The following CFAP299 variants were observed in gnomAD, a reference collection of about 807,000 sequenced individuals.
CFAP299 encodes cilia and flagella associated protein 299.
In CFAP299, 21 loss-of-function variants were observed where a neutral mutation model predicts 27.0. The observed-to-expected ratio is 0.78, with a 90% confidence interval of 0.55 to 1.12. The LOEUF (loss-of-function observed/expected upper bound fraction) is 1.12, where lower values mean the gene tolerates loss of function less well. Ranked by LOEUF, CFAP299 falls within the 50% of genes most tolerant of loss-of-function variation. The pLI is 0.00. For missense variants in CFAP299, 310 were observed against 276.6 expected, an observed-to-expected ratio of 1.12 and a Z score of -0.86; for synonymous variants, 104 against 98.1, an observed-to-expected ratio of 1.06 and a Z score of -0.36.
chr4:80,504,971 T>A (rs1054534521), intron 2 of CFAP299, among the ~76,000 whole-genome samples: 1 of 148,622 alleles, frequency 6.7e-6, no homozygotes, highest in Admixed American at 6.8e-5. Flanking sequence ...ATCCCCCATT[T>A]TATATATATC....
intron 3 of CFAP299, among the ~76,000 whole-genome samples, chr4:80,612,156 G>A (rs148853985): frequency 1.2e-4 from 18 of 151,758 alleles, no homozygotes; most frequent in African/African-American, 3.6e-4. Context: ...GCAAACCATC[G>A]TGTTTTATTT....
chr4:80,764,121 G>A lies in CFAP299; in HGVS notation c.334-105872G>A, dbSNP rs191403730. 1.3e-3 allele frequency among the ~76,000 whole-genome samples: 192 copies of A among 152,240 alleles called. 1 individual carries two copies. The highest frequency in any genetic ancestry group is 4.4e-3 in the African/African-American group (184 of 41,562). ...ACAAATGGGATCTAATTAAAGTAAA[G>A]AGCTTCTACACAGCAAAAGAAACTA... is the stretch of plus-strand genomic sequence containing the variant. On this transcript the variant is annotated intron_variant, in intron 3 of 5. Transcript: ENST00000358105.
chr4:80,963,294 G>C (rs1199874334), intron 5 of CFAP299, among the ~76,000 whole-genome samples: 1 of 151,980 alleles, frequency 6.6e-6, no homozygotes, highest in Admixed American at 6.6e-5. Flanking sequence ...CTTTGATCAT[G>C]GGCATTTTCA....
chr4:80,436,359 C>A (rs1218149271), intron 2 of CFAP299, among the ~76,000 whole-genome samples: 1 of 145,626 alleles, frequency 6.9e-6, no homozygotes, highest in African/African-American at 2.6e-5. Context: ...AGTGCAGTGG[C>A]GCGATCTCAG....
intron 2 of CFAP299, among the ~76,000 whole-genome samples, chr4:80,513,709 T>G (rs1019421263): frequency 6.6e-6 from 1 of 152,140 alleles, no homozygotes; most frequent in Non-Finnish European, 1.5e-5. Flanking sequence ...TGATGGTAAA[T>G]GGCTTTAACA....
At chr4:80,939,184 G>A (rs987350509) in intron 4 of CFAP299, among the ~76,000 whole-genome samples, 7 of 152,116 alleles carry the variant, frequency 4.6e-5, no homozygotes, top group African/African-American at 1.7e-4. Flanking sequence ...GGGAATCTTT[G>A]TGCATCATGG....
At chr4:80,519,781 A>AATATG (rs1732810386) in intron 2 of CFAP299, among the ~76,000 whole-genome samples, 1 of 152,168 alleles carries the variant, frequency 6.6e-6, no homozygotes, top group African/African-American at 2.4e-5. Context: ...ACCATGGCCA[A>AATATG]ATATGTCAAC....
At chr4:80,902,357 TG>T (rs1171346013) in intron 4 of CFAP299, among the ~76,000 whole-genome samples, 1 of 146,584 alleles carries the variant, frequency 6.8e-6, no homozygotes, top group African/African-American at 2.5e-5. Context: ...TGGATATATA[TG>T]GATAAAATAT....
intron 3 of CFAP299, among the ~76,000 whole-genome samples, chr4:80,833,406 A>G (rs1730400578): frequency 6.6e-6 from 1 of 151,828 alleles, no homozygotes; most frequent in Non-Finnish European, 1.5e-5. Flanking sequence ...TACTTTATAG[A>G]GCTATCAATA....
At chr4:80,954,713 G>A (rs937895420) in intron 5 of CFAP299, among the ~76,000 whole-genome samples, 1 of 151,968 alleles carries the variant, frequency 6.6e-6, no homozygotes, top group African/African-American at 2.4e-5. Flanking sequence ...AATCTGTTAA[G>A]TTTTGGCTGG....
At chr4:80,856,355 C>T (rs955785031) in intron 3 of CFAP299, among the ~76,000 whole-genome samples, 1 of 149,654 alleles carries the variant, frequency 6.7e-6, no homozygotes, top group African/African-American at 2.5e-5. Context: ...TTGTGGGTTG[C>T]CTGTTCACTC....
At chr4:80,540,322 C>T (rs978701170) in intron 2 of CFAP299, among the ~76,000 whole-genome samples, 1 of 152,070 alleles carries the variant, frequency 6.6e-6, no homozygotes, top group Non-Finnish European at 1.5e-5. Context: ...ATTCTTTAAC[C>T]ATTTTAGGAT....
intron 3 of CFAP299, among the ~76,000 whole-genome samples, chr4:80,760,223 C>T (rs1455467468): frequency 2.0e-5 from 3 of 151,952 alleles, no homozygotes; most frequent in African/African-American, 7.2e-5. Context: ...GAAAGAAATA[C>T]ATTAGTGATT....
At chr4:80,346,196 T>G (rs1722717711) in intron 1 of CFAP299, among the ~76,000 whole-genome samples, 1 of 152,246 alleles carries the variant, frequency 6.6e-6, no homozygotes, top group African/African-American at 2.4e-5. Context: ...ATGGGTAGAT[T>G]GCAAAAATTT....
intron 2 of CFAP299, among the ~76,000 whole-genome samples, chr4:80,568,860 A>G (rs748628737): frequency 1.3e-5 from 2 of 152,138 alleles, no homozygotes; most frequent in Non-Finnish European, 2.9e-5. Flanking sequence ...TGTAGTGTAC[A>G]TGTAATTAGG....
intron 2 of CFAP299, among the ~76,000 whole-genome samples, chr4:80,534,862 T>C (rs1039651460): frequency 1.5e-4 from 23 of 152,216 alleles, no homozygotes; most frequent in Admixed American, 5.2e-4. Flanking sequence ...ATTGTACATA[T>C]ATTTTTCCCT....
intron 2 of CFAP299, among the ~76,000 whole-genome samples, chr4:80,563,030 C>A (rs1278289910): frequency 6.6e-6 from 1 of 151,988 alleles, no homozygotes; most frequent in African/African-American, 2.4e-5. Flanking sequence ...GTACCCAACA[C>A]TGGAGCACCT....
At chr4:80,549,029 A>G (rs545031212) in intron 2 of CFAP299, among the ~76,000 whole-genome samples, 39 of 152,282 alleles carry the variant, frequency 2.6e-4, no homozygotes, top group African/African-American at 9.4e-4. Flanking sequence ...CACTGTATGC[A>G]TAGTCAGTGT....
intron 4 of CFAP299, chr4:80,872,096 G>A (rs1733129132): frequency 6.6e-6 from 1 of 151,832 alleles, no homozygotes. Flanking sequence ...GTAAAATCGT[G>A]CTGTTTATTC....
Sources: allele counts gnomAD v4.1 joint callset (sites outside exome capture counted in the v4.1 genomes callset), GRCh38; gene constraint gnomAD v4.1.1; transcripts MANE v1.5; gene names NCBI Gene and HGNC (gene_info 2026-07-23, HGNC 2026-07-21).